Variants in CD44 observed in about 807,000 individuals in gnomAD.
CD44 encodes CD44 antigen.
CD44 carries 49 observed loss-of-function variants against 88.8 expected under a neutral mutation model. The ratio of observed to expected loss-of-function variants is 0.55; its 90% CI spans 0.44 to 0.70. CD44 has a LOEUF of 0.70. Among genes scored for constraint, CD44 ranks in the 30% least tolerant of loss-of-function variants. CD44 has a pLI of 0.00. For missense variants in CD44, 883 were observed against 913.8 expected (o/e 0.97, Z 0.43); for synonymous variants, 325 against 312.3 (o/e 1.04, Z -0.43).
Position 35,231,609 on chromosome 11 carries a change from G to C in CD44, c.*2276G>C, listed in dbSNP as rs1950060499. Reference sequence around the variant, plus strand: ...TTCTATTCCTTGGCCATTGTCAACGGAGAGCTGGCCAAGTCTTCACAAACC... The same window carrying C: ...TTCTATTCCTTGGCCATTGTCAACGCAGAGCTGGCCAAGTCTTCACAAACC... On this transcript the variant is annotated 3_prime_UTR_variant, in exon 18 of 18. Coordinates refer to ENST00000428726, the MANE Select transcript of CD44 (RefSeq NM_000610.4). 1 of 152,144 alleles carries C rather than the reference G, an allele frequency of 6.6e-6. No individual in the cohort carries two copies. Among genetic ancestry groups the C allele is most frequent in the Non-Finnish European group, 1.5e-5 (1 of 68,036 alleles). The allele number at this position is 152,144 out of a possible 1,614,324, so 9.4% of individuals were successfully genotyped here.
intron 1 of CD44, among the ~76,000 whole-genome samples, chr11:35,156,393 T>C (rs190137396): frequency 1.4e-3 from 209 of 152,326 alleles, no homozygotes; most frequent in Non-Finnish European, 2.5e-3. Flanking sequence ...TGTTTAAAAA[T>C]GGACCTGAAG....
chr11:35,140,274 A>G (rs973250776), intron 1 of CD44, among the ~76,000 whole-genome samples: 11 of 152,230 alleles, frequency 7.2e-5, no homozygotes, highest in African/African-American at 2.7e-4. Context: ...TGTAAGGTAT[A>G]TTCTAGCACG....
chr11:35,220,953 G>A (rs10742333), intron 16 of CD44, among the ~76,000 whole-genome samples: 53,799 of 151,652 alleles, frequency 0.35, 10,711 homozygotes, highest in East Asian at 0.81. Context: ...TAGAGATGGG[G>A]TTTCACCATG....
chr11:35,206,858 A>G (rs544255275), intron 11 of CD44, among the ~76,000 whole-genome samples: 6 of 152,386 alleles, frequency 3.9e-5, no homozygotes, highest in African/African-American at 1.4e-4. Context: ...ATGAGTTTGC[A>G]CATGGCAGCT....
chr11:35,196,961 A>G, intron 6 of CD44, 87 bp downstream of exon 6: 10 of 1,400,602 alleles, frequency 7.1e-6, no homozygotes, highest in Non-Finnish European at 6.9e-6. Flanking sequence ...ATTAAAGCCT[A>G]ACGTTCCTTC....
At chr11:35,192,010 T>A (rs1304654904) in intron 5 of CD44, among the ~76,000 whole-genome samples, 1 of 152,204 alleles carries the variant, frequency 6.6e-6, no homozygotes, top group South Asian at 2.1e-4. Context: ...ATGCTAGGAA[T>A]TCAGAGTTGG....
chr11:35,167,634 A>G (rs756266601), intron 1 of CD44, among the ~76,000 whole-genome samples: 1 of 152,176 alleles, frequency 6.6e-6, no homozygotes, highest in African/African-American at 2.4e-5. Flanking sequence ...TGGCTGCCCA[A>G]GTGGTTTGTG....
chr11:35,204,508 A>C lies in CD44; in HGVS notation c.1154-4A>C. ...ATGTCTCCCAACTGATATTCTTCTC[A>C]CAGTCCAGGCAACTCCTAGTAGTAC... On this transcript the variant is annotated splice_polypyrimidine_tract_variant and splice_region_variant and intron_variant, in intron 9 of 17. Coordinates refer to ENST00000428726, the MANE Select transcript of CD44 (RefSeq NM_000610.4). 1 of 1,612,738 alleles carries C rather than the reference A, an allele frequency of 6.2e-7. No homozygotes were observed. Among genetic ancestry groups the C allele is most frequent in the Non-Finnish European group, 8.5e-7 (1 of 1,179,198 alleles).
chr11:35,196,883 T>G lies in CD44; in HGVS notation c.796+9T>G, dbSNP rs759092247. On this transcript the variant is annotated intron_variant, in intron 6 of 17. Transcript: ENST00000428726. Reference sequence around the variant, plus strand: ...AACAACACAAATGGCTGGTAATGAGTTATTATTATCTCATAGCGTATGTTT... The same window carrying G: ...AACAACACAAATGGCTGGTAATGAGGTATTATTATCTCATAGCGTATGTTT... 6.2e-6 allele frequency: 10 copies of G among 1,612,220 alleles called. No homozygotes were observed. The East Asian group carries it at 2.2e-4, about 36-fold the overall frequency.
intron 15 of CD44, among the ~76,000 whole-genome samples, chr11:35,215,283 G>C (rs572689719): frequency 4.7e-4 from 71 of 152,320 alleles, no homozygotes; most frequent in African/African-American, 1.6e-3. Flanking sequence ...GTGATTAAGA[G>C]CTTGAGCTTT....
At chr11:35,152,107 C>A (rs1860429840) in intron 1 of CD44, among the ~76,000 whole-genome samples, 1 of 152,246 alleles carries the variant, frequency 6.6e-6, no homozygotes, top group Non-Finnish European at 1.5e-5. Context: ...TTTATCAGCC[C>A]TGGAGCCTCT....
intron 16 of CD44, 66 bp downstream of exon 16, chr11:35,219,453 G>A: frequency 8.9e-7 from 1 of 1,125,464 alleles, no homozygotes; most frequent in Non-Finnish European, 1.3e-6. Context: ...TCCCAGCAAG[G>A]ACGAAGAGAC....
chr11:35,173,465 G>A (rs1944127379), intron 1 of CD44, among the ~76,000 whole-genome samples: 1 of 152,172 alleles, frequency 6.6e-6, no homozygotes, highest in Non-Finnish European at 1.5e-5. Flanking sequence ...GCCGAGTGCT[G>A]CATGAGTGGC....
At chr11:35,210,139 T>G (rs747687440) in intron 13 of CD44, 85 bp downstream of exon 13, 4 of 720,024 alleles carry the variant, frequency 5.6e-6, no homozygotes, top group Non-Finnish European at 9.0e-6. Context: ...TTGGTGGAGG[T>G]GCATCCATTA....
chr11:35,167,497 A>T (rs1307693223), intron 1 of CD44, among the ~76,000 whole-genome samples: 1 of 152,198 alleles, frequency 6.6e-6, no homozygotes, highest in East Asian at 1.9e-4. Flanking sequence ...CCAGCTCAGT[A>T]AGATTTATTA....
intron 1 of CD44, among the ~76,000 whole-genome samples, chr11:35,148,444 G>A (rs1014543070): frequency 2.6e-5 from 4 of 152,220 alleles, no homozygotes; most frequent in African/African-American, 9.6e-5. Context: ...CTGTCAAGGA[G>A]TTTGTTTTTG....
chr11:35,148,710 T>C (rs747795798), intron 1 of CD44, among the ~76,000 whole-genome samples: 2 of 152,242 alleles, frequency 1.3e-5, no homozygotes, highest in African/African-American at 2.4e-5. Context: ...TTCATATTCA[T>C]GATAGCCCTG....
At chr11:35,204,435 A>C in intron 9 of CD44, 77 bp from the exon 10 acceptor site, 1 of 1,458,480 alleles carries the variant, frequency 6.9e-7, no homozygotes. Flanking sequence ...ATCTGCCCTT[A>C]AAGTAGAAAG....
At chr11:35,203,959 C>T (rs971687803) in intron 9 of CD44, among the ~76,000 whole-genome samples, 1 of 152,130 alleles carries the variant, frequency 6.6e-6, no homozygotes, top group African/African-American at 2.4e-5. Flanking sequence ...GTGGACATCA[C>T]CAAATACTGT....
Sources: allele counts gnomAD v4.1 joint callset (sites outside exome capture counted in the v4.1 genomes callset), GRCh38; gene constraint gnomAD v4.1.1; transcripts MANE v1.5; gene names NCBI Gene and HGNC (gene_info 2026-07-23, HGNC 2026-07-21).